TAFA2: variants seen among roughly 807,000 people sequenced by gnomAD.
TAFA2 encodes TAFA chemokine like family member 2.
TAFA2 carries 7 observed loss-of-function variants against 18.8 expected under a neutral mutation model. The ratio of observed to expected loss-of-function variants is 0.37; its 90% CI spans 0.21 to 0.70. The LOEUF is 0.70. Among genes scored for constraint, TAFA2 ranks in the 30% least tolerant of loss-of-function variants. The pLI, the probability that TAFA2 is intolerant of heterozygous loss-of-function variation, is 0.53. For synonymous variants in TAFA2, 60 were observed against 54.2 expected, an observed-to-expected ratio of 1.11 and a Z score of -0.47; for missense variants, 122 against 158.1, an observed-to-expected ratio of 0.77 and a Z score of 1.23.
At chr12:61,803,728 ACTT>A (rs923876680) in intron 2 of TAFA2, among the ~76,000 whole-genome samples, 2 of 151,950 alleles carry the variant, frequency 1.3e-5, no homozygotes, top group African/African-American at 4.8e-5. Flanking sequence ...AAGCATAATA[ACTT>A]CTTCTATGGC....
chr12:62,233,123 C>T (rs1471543557), intron 1 of TAFA2, among the ~76,000 whole-genome samples: 8 of 113,256 alleles, frequency 7.1e-5, no homozygotes, highest in African/African-American at 2.4e-4. Context: ...TTCTGTCACT[C>T]GGGCTGGAGT....
chr12:61,726,467 C>T lies in TAFA2; in HGVS notation c.385-16050G>A, dbSNP rs147487748. Among the ~76,000 whole-genome samples the T allele has an allele frequency of 4.6e-3, 702 of 151,858 alleles. 2 individuals are homozygous for T. The highest frequency in any genetic ancestry group is 7.5e-3 in the Non-Finnish European group (509 of 67,788). ...GTTTTCACCTCCTTGGTTAGGTGTA[C>T]TCCTAGGTATTTTATTTTTTGTGCA... On this transcript the variant is annotated intron_variant, in intron 4 of 4. Coordinates refer to ENST00000416284, the MANE Select transcript of TAFA2 (RefSeq NM_178539.5).
chr12:62,046,459 G>C (rs537478548), intron 1 of TAFA2, among the ~76,000 whole-genome samples: 1 of 151,616 alleles, frequency 6.6e-6, no homozygotes, highest in African/African-American at 2.4e-5. Flanking sequence ...AAAAAAAAAC[G>C]ATGTTAACAT....
chr12:62,172,979 T>C (rs1180972008), intron 1 of TAFA2, among the ~76,000 whole-genome samples: 1 of 152,204 alleles, frequency 6.6e-6, no homozygotes, highest in Non-Finnish European at 1.5e-5. Flanking sequence ...ATATTGATAC[T>C]GATCCCTTAG....
intron 2 of TAFA2, among the ~76,000 whole-genome samples, chr12:61,838,273 G>T (rs1365401381): frequency 2.6e-5 from 4 of 151,946 alleles, no homozygotes; most frequent in Non-Finnish European, 2.9e-5. Context: ...TGTTCCAGTT[G>T]ATCCAAGGCC....
chr12:62,222,202 C>A (rs2062766028), intron 1 of TAFA2, among the ~76,000 whole-genome samples: 1 of 152,054 alleles, frequency 6.6e-6, no homozygotes, highest in Non-Finnish European at 1.5e-5. Context: ...TAAACACACA[C>A]ACACACACAT....
At chr12:62,216,569 T>C (rs1359519813) in intron 1 of TAFA2, among the ~76,000 whole-genome samples, 1 of 152,226 alleles carries the variant, frequency 6.6e-6, no homozygotes, top group Non-Finnish European at 1.5e-5. Context: ...ATCAGAAAAG[T>C]AGTTCCAACT....
intron 2 of TAFA2, among the ~76,000 whole-genome samples, chr12:61,862,154 T>C (rs536239715): frequency 1.8e-3 from 279 of 152,326 alleles, no homozygotes; most frequent in Admixed American, 4.0e-3. Context: ...TATTTTTCTG[T>C]TGGGAACTTG....
chr12:62,040,950 C>A (rs1194906690), intron 1 of TAFA2, among the ~76,000 whole-genome samples: 1 of 152,132 alleles, frequency 6.6e-6, no homozygotes, highest in Non-Finnish European at 1.5e-5. Context: ...ATTAGGAAAT[C>A]TCAAAATATT....
chr12:61,887,213 A>G (rs1360181997), intron 1 of TAFA2, among the ~76,000 whole-genome samples: 1 of 152,168 alleles, frequency 6.6e-6, no homozygotes, highest in Admixed American at 6.5e-5. Context: ...CCTCCCCAGG[A>G]CAAGCTGAAT....
chr12:62,238,033 G>A (rs1450006219), intron 1 of TAFA2, among the ~76,000 whole-genome samples: 4 of 152,300 alleles, frequency 2.6e-5, no homozygotes, highest in Non-Finnish European at 4.4e-5. Context: ...AGACTCAGGA[G>A]TTTTTCTCCC....
chr12:61,736,482 T>C (rs981848879), intron 4 of TAFA2, among the ~76,000 whole-genome samples: 2 of 152,050 alleles, frequency 1.3e-5, no homozygotes, highest in African/African-American at 2.4e-5. Context: ...TTGAAATTTA[T>C]TATTGGTATT....
At chr12:62,184,644 C>T (rs114223255) in intron 1 of TAFA2, among the ~76,000 whole-genome samples, 8,120 of 151,134 alleles carry the variant, frequency 0.054, 268 homozygotes, top group African/African-American at 0.084. Context: ...TACAGGCACA[C>T]ACACCCATGC....
intron 1 of TAFA2, among the ~76,000 whole-genome samples, chr12:62,077,288 C>G (rs1221430037): frequency 1.3e-5 from 2 of 152,156 alleles, no homozygotes; most frequent in African/African-American, 2.4e-5. Flanking sequence ...TGCTTTTATT[C>G]TGTGTTCTGT....
In TAFA2 at chr12:61,753,663, C is replaced by T. The variant is rs1295895439; in HGVS notation, c.343G>A (p.Gly115Arg). ...EECKVLPDRK[G>R]WSCSSGNKVK... ...TTATTCCCAGAGGAACAGCTCCATC[C>T]TTTCCGATCCGGAAGAACTTTACAT... is the stretch of plus-strand genomic sequence containing the variant. Residue 115 changes from glycine (G) to arginine (R), a missense_variant, in exon 4 of 5, where the codon GGA becomes AGA. Gly to Arg is a moderately radical substitution (Grantham distance 125). Transcript: ENST00000416284. The T allele has an allele frequency of 6.2e-7, 1 of 1,612,676 alleles. No homozygotes were observed. Among genetic ancestry groups the T allele is most frequent in the Admixed American group, 1.7e-5 (1 of 59,880 alleles).
chr12:62,115,024 A>G (rs1456188402), intron 1 of TAFA2, among the ~76,000 whole-genome samples: 1 of 152,200 alleles, frequency 6.6e-6, no homozygotes, highest in East Asian at 1.9e-4. Context: ...GACCAACATT[A>G]AATTCTAAAA....
At chr12:61,828,693 T>A (rs963930817) in intron 2 of TAFA2, among the ~76,000 whole-genome samples, 8 of 151,874 alleles carry the variant, frequency 5.3e-5, no homozygotes, top group African/African-American at 1.9e-4. Flanking sequence ...AATTTTTGAA[T>A]CAAACTGTTA....
intron 1 of TAFA2, among the ~76,000 whole-genome samples, chr12:62,203,281 C>T (rs61919217): frequency 0.064 from 9,670 of 152,258 alleles, 342 homozygotes; most frequent in East Asian, 0.099. Context: ...TTAGAGTAAG[C>T]GCCATGTGGC....
At chr12:61,756,717 A>T (rs181544703) in intron 2 of TAFA2, among the ~76,000 whole-genome samples, 39 of 152,236 alleles carry the variant, frequency 2.6e-4, no homozygotes, top group African/African-American at 9.4e-4. Flanking sequence ...GTAGAGTAAC[A>T]TGATTCAGAG....
Sources: allele counts gnomAD v4.1 joint callset (sites outside exome capture counted in the v4.1 genomes callset), GRCh38; gene constraint gnomAD v4.1.1; transcripts MANE v1.5; gene names NCBI Gene and HGNC (gene_info 2026-07-23, HGNC 2026-07-21).